The following TENM3 variants were observed in gnomAD, a reference collection of about 807,000 sequenced individuals.
The protein encoded by TENM3 is teneurin-3.
A neutral mutation model predicts 255.1 loss-of-function variants in TENM3; 63 were observed. The ratio of observed to expected loss-of-function variants is 0.25; its 90% CI spans 0.20 to 0.30. The LOEUF (loss-of-function observed/expected upper bound fraction) is 0.30, where lower values mean the gene tolerates loss of function less well. Among genes scored for constraint, TENM3 ranks in the 10% least tolerant of loss-of-function variants. The pLI, the probability that TENM3 is intolerant of heterozygous loss-of-function variation, is 1.00. For synonymous variants in TENM3, 1,306 were observed against 1,322.3 expected, an observed-to-expected ratio of 0.99 and a Z score of 0.27; for missense variants, 2,929 against 3,461.1, an observed-to-expected ratio of 0.85 and a Z score of 3.86.
the TENM3 span, among the ~76,000 whole-genome samples, chr4:181,747,105 A>G: frequency 2.0e-5 from 3 of 152,096 alleles, no homozygotes; most frequent in Non-Finnish European, 2.9e-5. Flanking sequence ...TTCTAATAAG[A>G]TTATGCAAAT....
chr4:181,586,479 C>T, the TENM3 span, among the ~76,000 whole-genome samples: 5 of 152,194 alleles, frequency 3.3e-5, no homozygotes, highest in Admixed American at 2.0e-4. Flanking sequence ...AGGCAATCTG[C>T]GAAAATGGGG....
chr4:182,259,052 G>T (rs1758617244), intron 1 of TENM3, among the ~76,000 whole-genome samples: 1 of 152,206 alleles, frequency 6.6e-6, no homozygotes. Context: ...TATAAAGCCA[G>T]TTATGTTTTC....
intron 2 of TENM3, among the ~76,000 whole-genome samples, chr4:182,343,406 AG>A (rs1267982274): frequency 1.3e-5 from 2 of 152,250 alleles, no homozygotes; most frequent in African/African-American, 4.8e-5. Flanking sequence ...AGGCAAAGAA[AG>A]AAATTAAAGC....
intron 6 of TENM3, 94 bp from the exon 7 acceptor site, chr4:182,672,911 G>T (rs1354013892): frequency 8.8e-6 from 8 of 908,776 alleles, no homozygotes; most frequent in Admixed American, 2.8e-5. Context: ...TTGAGCATTT[G>T]GTAAAAATAA....
chr4:182,656,360 T>C (rs1753745574), intron 6 of TENM3, among the ~76,000 whole-genome samples: 2 of 152,188 alleles, frequency 1.3e-5, no homozygotes, highest in African/African-American at 4.8e-5. Flanking sequence ...AAACCCTAAA[T>C]TGTAAGGAAT....
At chr4:181,682,961 C>A in the TENM3 span, among the ~76,000 whole-genome samples, 1 of 151,990 alleles carries the variant, frequency 6.6e-6, no homozygotes, top group East Asian at 1.9e-4. Context: ...CACCTTTAAT[C>A]CCAGTGCTTT....
intron 3 of TENM3, among the ~76,000 whole-genome samples, chr4:182,552,995 T>TG (rs1284895019): frequency 2.0e-5 from 3 of 152,198 alleles, no homozygotes; most frequent in African/African-American, 7.2e-5. Context: ...GGGACATGCA[T>TG]GATACTGAAT....
At chr4:181,635,489 C>T in the TENM3 span, among the ~76,000 whole-genome samples, 5 of 152,206 alleles carry the variant, frequency 3.3e-5, no homozygotes, top group African/African-American at 1.2e-4. Flanking sequence ...GCTGAGATGG[C>T]TGCAGGTGAA....
chr4:181,854,674 C>T, the TENM3 span, among the ~76,000 whole-genome samples: 1 of 152,188 alleles, frequency 6.6e-6, no homozygotes, highest in Non-Finnish European at 1.5e-5. Flanking sequence ...TCTTTTCCAA[C>T]ACATTTAACA....
the TENM3 span, among the ~76,000 whole-genome samples, chr4:181,760,414 C>A: frequency 6.6e-6 from 1 of 152,168 alleles, no homozygotes; most frequent in Non-Finnish European, 1.5e-5. Flanking sequence ...TTGCACTAAT[C>A]TAGTCACTTA....
intron 3 of TENM3, among the ~76,000 whole-genome samples, chr4:182,556,759 G>A (rs1345319958): frequency 2.0e-5 from 3 of 152,114 alleles, no homozygotes; most frequent in African/African-American, 4.8e-5. Context: ...CCACTCCTAC[G>A]TAGACTGAAG....
chr4:182,796,471 T>C (rs1338800707), intron 26 of TENM3, among the ~76,000 whole-genome samples, 166 bp from the exon 27 acceptor site: 2 of 152,232 alleles, frequency 1.3e-5, no homozygotes, highest in Non-Finnish European at 2.9e-5. Context: ...GTTACCGTCT[T>C]CATGTCTAAA....
chr4:182,183,457 C>G (rs769734264), intron 1 of TENM3, among the ~76,000 whole-genome samples: 1 of 152,104 alleles, frequency 6.6e-6, no homozygotes, highest in African/African-American at 2.4e-5. Context: ...ATGATTCATT[C>G]GTATGCAGTT....
the TENM3 span, among the ~76,000 whole-genome samples, chr4:181,517,580 G>A: frequency 6.6e-6 from 1 of 152,218 alleles, no homozygotes; most frequent in Non-Finnish European, 1.5e-5. Flanking sequence ...CATATCTATG[G>A]TAGGGTTTAT....
chr4:182,403,469 G>T (rs1385159236), intron 3 of TENM3, among the ~76,000 whole-genome samples: 5 of 152,198 alleles, frequency 3.3e-5, no homozygotes, highest in Non-Finnish European at 7.3e-5. Flanking sequence ...CCTACATTAT[G>T]TTATGTCTCA....
upstream of TENM3, chr4:182,144,407 C>T (rs1471151847): frequency 2.0e-5 from 3 of 152,548 alleles, no homozygotes; most frequent in African/African-American, 4.8e-5. Flanking sequence ...ACCCCGAAAA[C>T]TCCGGCCCGG....
At chr4:181,478,000 A>G in the TENM3 span, among the ~76,000 whole-genome samples, 1 of 152,224 alleles carries the variant, frequency 6.6e-6, no homozygotes, top group South Asian at 2.1e-4. Context: ...GCTTGTGTAC[A>G]TGAGAAATGA....
chr4:182,527,493 A>T (rs200688106), intron 3 of TENM3, among the ~76,000 whole-genome samples: 1 of 27,826 alleles, frequency 3.6e-5, no homozygotes, highest in East Asian at 2.2e-3. Flanking sequence ...CTGTTGGTTT[A>T]AAAAAAAAAA....
the TENM3 span, among the ~76,000 whole-genome samples, chr4:181,547,116 T>C: frequency 6.6e-6 from 1 of 151,988 alleles, no homozygotes; most frequent in African/African-American, 2.4e-5. Context: ...CCTCTTCATG[T>C]GAAAGGCAGA....
Sources: allele counts gnomAD v4.1 joint callset (sites outside exome capture counted in the v4.1 genomes callset), GRCh38; gene constraint gnomAD v4.1.1; transcripts MANE v1.5; gene names NCBI Gene and HGNC (gene_info 2026-07-23, HGNC 2026-07-21).